CPAMD8: variants seen among roughly 807,000 people sequenced by gnomAD.
CPAMD8 encodes C3 and PZP-like alpha-2-macroglobulin domain-containing protein 8.
CPAMD8 carries 146 observed loss-of-function variants against 224.7 expected under a neutral mutation model. The ratio of observed to expected loss-of-function variants is 0.65; its 90% confidence interval spans 0.57 to 0.75. CPAMD8 has a LOEUF of 0.75. Ranked by LOEUF, CPAMD8 falls within the 30% of genes least tolerant of loss-of-function variation. The pLI, the probability that CPAMD8 is intolerant of heterozygous loss-of-function variation, is 0.00. For missense variants in CPAMD8, 2,301 were observed against 2,537.5 expected (o/e 0.91, Z 2.00); for synonymous variants, 966 against 1,044.6 (o/e 0.92, Z 1.45).
intron 19 of CPAMD8, among the ~76,000 whole-genome samples, chr19:16,952,903 C>G (rs2054343013): frequency 6.6e-6 from 1 of 152,098 alleles, no homozygotes; most frequent in African/African-American, 2.4e-5. Context: ...ACATGGATCT[C>G]AAGGGATCCT....
chr19:17,011,341 C>T, intron 5 of CPAMD8, 123 bp downstream of exon 5: 2 of 1,153,816 alleles, frequency 1.7e-6, no homozygotes, highest in East Asian at 2.4e-5. Flanking sequence ...GGACATGAAA[C>T]AACCATGAAA....
chr19:16,920,222 G>GTGA (rs1372846566), intron 27 of CPAMD8, among the ~76,000 whole-genome samples: 1 of 152,230 alleles, frequency 6.6e-6, no homozygotes, highest in Non-Finnish European at 1.5e-5. Flanking sequence ...GCTCACGCCT[G>GTGA]TAATCCCAGC....
intron 13 of CPAMD8, among the ~76,000 whole-genome samples, chr19:16,983,110 C>A (rs1200759043): frequency 6.6e-6 from 1 of 152,140 alleles, no homozygotes; most frequent in African/African-American, 2.4e-5. Context: ...ATCCATTAAA[C>A]CTCTTTTTCT....
Position 16,989,714 on chromosome 19 carries a change from G to A in CPAMD8, c.1324C>T (p.Leu442Phe), listed in dbSNP as rs201955778. The A allele has an allele frequency of 2.2e-4, 351 of 1,614,062 alleles. 1 individual carries two copies. The African/African-American group carries it at 4.1e-3, about 19-fold the overall frequency. The change falls in exon 13 of 42, where the codon CTC (leucine) becomes TTC (phenylalanine). Residue 442 changes from leucine to phenylalanine, a missense_variant. Physicochemically the swap from Leu to Phe is conservative, Grantham distance 22. Transcript: ENST00000443236. ...GGGGAGTACCAGCTGCCGAGGGAGA[G>A]GTAGCTGGGCAGGTACTGAGCCCCC... ...PVGAQYLPSY[L>F]SLGSWYSPSQ...
chr19:16,969,755 TC>T lies in CPAMD8; in HGVS notation c.2213+1135del, dbSNP rs1414362545. On this transcript the variant is annotated intron_variant, in intron 18 of 41. Transcript: ENST00000443236. ...ATTAGCTGGGCATGGTGGCATGTAA[TC>T]CCAGCTACTCAGGAGGCTGAGGCAG... 3.3e-5 allele frequency among the ~76,000 whole-genome samples: 5 copies of T among 150,920 alleles called. No individual in the cohort carries two copies. The East Asian group carries it at 9.8e-4, about 30-fold the overall frequency.
intron 23 of CPAMD8, among the ~76,000 whole-genome samples, chr19:16,933,758 G>A (rs2053610095): frequency 6.6e-6 from 1 of 152,182 alleles, no homozygotes; most frequent in Non-Finnish European, 1.5e-5. Flanking sequence ...AATGGCCTGA[G>A]CACTTTAGAA....
chr19:16,929,045 G>T lies in CPAMD8; in HGVS notation c.3041C>A (p.Thr1014Asn). The T allele has an allele frequency of 1.2e-6, 2 of 1,613,698 alleles. No individual in the cohort carries two copies. The highest frequency in any genetic ancestry group is 1.1e-5 in the South Asian group (1 of 91,056). ...GGCCACGGGCTCTCCCATCTTGCTG[G>T]TGGAGATCCATGACCTGGTGTTCTG... is the stretch of plus-strand genomic sequence containing the variant. ...GHQNTRSWIS[T>N]SKMGEPVASA... The change falls in exon 24 of 42, where the codon ACC (threonine) becomes AAC (asparagine). Residue 1014 changes from threonine to asparagine, a missense_variant. Around this residue, in one of 4 missense-constraint regions of CPAMD8, gnomAD observed 1,709 missense variants for 1,753.2 expected, o/e 0.97. Transcript: ENST00000443236.
chr19:16,975,621 T>G (rs1055415782), intron 16 of CPAMD8, among the ~76,000 whole-genome samples: 15 of 152,040 alleles, frequency 9.9e-5, no homozygotes, highest in African/African-American at 3.4e-4. Context: ...GGTGGGAGGA[T>G]CGTTTAAGCC....
In CPAMD8 at chr19:17,009,292, A is replaced by G; in HGVS notation, c.504+11T>C. 4 of 1,614,058 alleles carry G rather than the reference A, an allele frequency of 2.5e-6. No homozygotes were observed. The highest frequency in any genetic ancestry group is 3.4e-6 in the Non-Finnish European group (4 of 1,179,940). ...CCAAGTCCAAGCCGAGGAAGGACAG[A>G]GGCCACTCACCAGGATGTAGGCTTC... On this transcript the variant is annotated intron_variant, in intron 6 of 41. Coordinates refer to ENST00000443236, the MANE Select transcript of CPAMD8 (RefSeq NM_015692.5).
intron 18 of CPAMD8, among the ~76,000 whole-genome samples, chr19:16,966,328 T>C (rs1169493360): frequency 6.6e-6 from 1 of 152,182 alleles, no homozygotes; most frequent in Non-Finnish European, 1.5e-5. Flanking sequence ...TTACATCTTA[T>C]ACAAAAATTA....
At chr19:16,928,878 G>A (rs977062497) in intron 24 of CPAMD8, 64 bp downstream of exon 24, 3 of 1,342,304 alleles carry the variant, frequency 2.2e-6, no homozygotes, top group Admixed American at 4.6e-5. Flanking sequence ...CACCAAACAG[G>A]AAGCAGCTAG....
intron 10 of CPAMD8, among the ~76,000 whole-genome samples, chr19:16,997,725 A>T (rs2056179352): frequency 6.6e-6 from 1 of 151,972 alleles, no homozygotes; most frequent in African/African-American, 2.4e-5. Flanking sequence ...GGTGACAGGC[A>T]CCTGTAATCC....
In CPAMD8 at chr19:16,996,555, A is replaced by G. The variant is rs181341383; in HGVS notation, c.1095+556T>C. ...AGTGAAGGGCCAGGAGTGATGGCTC[A>G]CGCCTGTAACCCCAGCACTTTGGGA... is the stretch of plus-strand genomic sequence containing the variant. On this transcript the variant is annotated intron_variant, in intron 11 of 41. Coordinates refer to ENST00000443236, the MANE Select transcript of CPAMD8 (RefSeq NM_015692.5). Among the ~76,000 whole-genome samples, 626 of 152,276 alleles carry G rather than the reference A, an allele frequency of 4.1e-3. 1 individual carries two copies. Among genetic ancestry groups the G allele is most frequent in the Non-Finnish European group, 6.8e-3 (463 of 68,018 alleles).
At chr19:16,927,066 C>T (rs907702587) in intron 25 of CPAMD8, among the ~76,000 whole-genome samples, 1 of 152,064 alleles carries the variant, frequency 6.6e-6, no homozygotes, top group Non-Finnish European at 1.5e-5. Context: ...ACCCTTCTGC[C>T]CAACTCCTAG....
rs763001041 is a variant in CPAMD8, at chr19:16,893,174, G to A, written c.5592C>T (p.Tyr1864=). 28 of 1,595,696 alleles carry A rather than the reference G, an allele frequency of 1.8e-5. No individual in the cohort carries two copies. Among genetic ancestry groups the A allele is most frequent in the Non-Finnish European group, 2.2e-5 (26 of 1,165,904 alleles). ...RPGLLSPVFV[Y]SPAFQSGGEE... ...CCCCACCACTCTGAAAGGCTGGGCTGTAGACGAAGACAGGGCTCAGAAGCC... is the reference window on the plus strand; with the variant it reads ...CCCCACCACTCTGAAAGGCTGGGCTATAGACGAAGACAGGGCTCAGAAGCC... The change falls in exon 42 of 42, where the codon TAC becomes TAT. Residue 1864 remains tyrosine (Y), a synonymous_variant. Coordinates refer to ENST00000443236, the MANE Select transcript of CPAMD8 (RefSeq NM_015692.5).
chr19:16,945,531 A>G lies in CPAMD8; in HGVS notation c.2793+18T>C. Reference sequence around the variant, plus strand: ...ATGAGGCCCTGGCTAAGCACCAGAGATGAGGACACGGCCTTACCTCAACCA... The same window carrying G: ...ATGAGGCCCTGGCTAAGCACCAGAGGTGAGGACACGGCCTTACCTCAACCA... On this transcript the variant is annotated intron_variant, in intron 22 of 41. Transcript: ENST00000443236. 6.2e-7 allele frequency: 1 copy of G among 1,612,054 alleles called. No individual in the cohort carries two copies. The highest frequency in any genetic ancestry group is 8.5e-7 in the Non-Finnish European group (1 of 1,178,554).
intron 1 of CPAMD8, among the ~76,000 whole-genome samples, chr19:17,024,388 C>T (rs1222893514): frequency 6.6e-6 from 1 of 152,240 alleles, no homozygotes; most frequent in Non-Finnish European, 1.5e-5. Context: ...AACTCCAGCA[C>T]TGACCAGGAC....
intron 41 of CPAMD8, 82 bp downstream of exon 41, chr19:16,896,094 C>T (rs780945939): frequency 6.4e-6 from 9 of 1,399,852 alleles, no homozygotes; most frequent in Non-Finnish European, 8.7e-6. Context: ...CGGGGCAGGT[C>T]GTCGGGGGAG....
chr19:17,020,469 A>T (rs1568611898), intron 2 of CPAMD8, 116 bp from the exon 3 acceptor site: 2 of 745,554 alleles, frequency 2.7e-6, no homozygotes, highest in Non-Finnish European at 4.7e-6. Context: ...TCATGTGGAC[A>T]AACACACCCT....
Sources: allele counts gnomAD v4.1 joint callset (sites outside exome capture counted in the v4.1 genomes callset), GRCh38; gene constraint gnomAD v4.1.1; regional missense constraint gnomAD v4.1.1; transcripts MANE v1.5; gene names NCBI Gene and HGNC (gene_info 2026-07-23, HGNC 2026-07-21).